ATRIP: variants seen among roughly 807,000 people sequenced by gnomAD.
ATRIP encodes the protein ATR interacting protein, also known as ATR-interacting protein.
A neutral mutation model predicts 78.1 loss-of-function variants in ATRIP; 44 were observed. That is an observed-to-expected ratio of 0.56 (90% CI 0.44 to 0.72). ATRIP has a LOEUF of 0.72. Ranked by LOEUF, ATRIP falls within the 30% of genes least tolerant of loss-of-function variation. The pLI is 0.00. For missense variants in ATRIP, 927 were observed against 980.2 expected (o/e 0.95, Z 0.72); for synonymous variants, 388 against 408.9 (o/e 0.95, Z 0.62).
intron 8 of ATRIP, among the ~76,000 whole-genome samples, chr3:48,462,456 C>T (rs1351774577): frequency 6.6e-6 from 1 of 152,188 alleles, no homozygotes; most frequent in Non-Finnish European, 1.5e-5. Context: ...GTAATCCCAG[C>T]ACTTTAGGAA....
intron 5 of ATRIP, among the ~76,000 whole-genome samples, chr3:48,457,946 C>T (rs1446047260): frequency 1.3e-5 from 2 of 151,966 alleles, no homozygotes; most frequent in Non-Finnish European, 2.9e-5. Flanking sequence ...CGTATGTATA[C>T]ATGTGCCATG....
rs202187322 is a variant in ATRIP at position 48,459,328 on chromosome 3, A to T, written c.830-31A>T. On this transcript the variant is annotated intron_variant, in intron 5 of 12. Transcript: ENST00000320211. ...CTAATATGCCCATGCTTCTGGGCTC[A>T]AGTTTTGATTTACATTTTATCACAT... The T allele has an allele frequency of 7.1e-4, 1,130 of 1,585,244 alleles. 1 individual carries two copies. Among genetic ancestry groups the T allele is most frequent in the Non-Finnish European group, 9.3e-4 (1,072 of 1,154,110 alleles).
rs1004374077 is a variant in ATRIP, at chr3:48,466,531, G to A, written c.*977G>A. 12 of 1,613,928 alleles carry A rather than the reference G, an allele frequency of 7.4e-6. No homozygotes were observed. The highest frequency in any genetic ancestry group is 1.0e-5 in the Non-Finnish European group (12 of 1,179,976). On this transcript the variant is annotated 3_prime_UTR_variant, in exon 13 of 13. Transcript: ENST00000320211. Reference sequence around the variant, plus strand: ...CGCAGACAGGGCAGGATTGTGCAGGGAAGGCCTGAGATGTGCTTCTGCCCA... The same window carrying A: ...CGCAGACAGGGCAGGATTGTGCAGGAAAGGCCTGAGATGTGCTTCTGCCCA...
At position 48,467,381 on chromosome 3, in the gene ATRIP, G is replaced by A. The variant is rs1015613176; in HGVS notation, c.*1827G>A. On this transcript the variant is annotated 3_prime_UTR_variant, in exon 13 of 13. Coordinates refer to ENST00000320211, the MANE Select transcript of ATRIP (RefSeq NM_130384.3). ...GGGTCACAGCCTCTGCTAGGACCAA[G>A]CCAAGACCATCTGCTGTCACAACCA... is the stretch of plus-strand genomic sequence containing the variant. 3 of 1,614,068 alleles carry A rather than the reference G, an allele frequency of 1.9e-6. No individual in the cohort carries two copies. The highest frequency in any genetic ancestry group is 1.7e-5 in the Admixed American group (1 of 60,006).
Position 48,465,697 on chromosome 3 carries a change from A to C in ATRIP, c.*143A>C, listed in dbSNP as rs2040265889. 1 of 836,024 alleles carries C rather than the reference A, an allele frequency of 1.2e-6. No homozygotes were observed. Among genetic ancestry groups the C allele is most frequent in the Non-Finnish European group, 1.9e-6 (1 of 535,398 alleles). The allele number at this position is 836,024 out of a possible 1,614,324, so 51.8% of individuals were successfully genotyped here. A position where few individuals can be genotyped will look rare whatever the true frequency, so the allele number is the denominator to read the frequency against. ...AGTCTGATCTGTTTGGCGGAGTGGG[A>C]GGGGTGGAGCAGGACCCGGACCCTG... On this transcript the variant is annotated 3_prime_UTR_variant, in exon 13 of 13. Coordinates refer to ENST00000320211, the MANE Select transcript of ATRIP (RefSeq NM_130384.3).
Position 48,463,896 on chromosome 3 carries a change from G to A in ATRIP, c.1882+15G>A, listed in dbSNP as rs2040189849. On this transcript the variant is annotated intron_variant, in intron 9 of 12. Transcript: ENST00000320211. Reference sequence around the variant, plus strand: ...TTCCCACTCAGGTAAAGCAGGGTGGGGCGGGCGTCTAGACTGCTCCTGCAG... The same window carrying A: ...TTCCCACTCAGGTAAAGCAGGGTGGAGCGGGCGTCTAGACTGCTCCTGCAG... The A allele has an allele frequency of 6.2e-7, 1 of 1,614,010 alleles. No individual in the cohort carries two copies. Among genetic ancestry groups the A allele is most frequent in the Middle Eastern group, 1.7e-4 (1 of 6,040 alleles).
Position 48,446,820 on chromosome 3 carries a change from T to C in ATRIP, c.-26T>C. ...GGCAGGCAAGTCTAGCTCGGCGCTG[T>C]CGGATACTTGGGGTGAGCGGAAAGC... is the stretch of plus-strand genomic sequence containing the variant. On this transcript the variant is annotated 5_prime_UTR_variant, in exon 1 of 13. Transcript: ENST00000320211. 7.2e-7 allele frequency: 1 copy of C among 1,385,924 alleles called. No homozygotes were observed. The highest frequency in any genetic ancestry group is 1.5e-5 in the African/African-American group (1 of 66,466). 85.9% of individuals were successfully genotyped at this position (1,385,924 alleles called of 1,614,324 possible).
At chr3:48,457,564 A>C (rs2039985262) in intron 5 of ATRIP, 148 bp downstream of exon 5, 1 of 641,480 alleles carries the variant, frequency 1.6e-6, no homozygotes, top group East Asian at 3.3e-5. Flanking sequence ...GGAATCACTG[A>C]AAGCTTGTCT....
Position 48,467,634 on chromosome 3 carries a change from C to T in ATRIP, c.*2080C>T, listed in dbSNP as rs897187789. 13 of 1,597,352 alleles carry T rather than the reference C, an allele frequency of 8.1e-6. No homozygotes were observed. Among genetic ancestry groups the T allele is most frequent in the African/African-American group, 4.0e-5 (3 of 74,616 alleles). On this transcript the variant is annotated 3_prime_UTR_variant, in exon 13 of 13. Coordinates refer to ENST00000320211, the MANE Select transcript of ATRIP (RefSeq NM_130384.3). ...GGAAAATCTGACGAATAAAGACCCC[C>T]GCTGCCCCATAGCACTGAGTGGTCA...
chr3:48,455,488 A>G (rs1054605992), intron 4 of ATRIP, among the ~76,000 whole-genome samples: 39 of 151,184 alleles, frequency 2.6e-4, no homozygotes, highest in African/African-American at 9.5e-4. Context: ...TTTGCATTCT[A>G]TTGGAAGTCT....
chr3:48,454,171 T>A (rs765071407), intron 3 of ATRIP, 129 bp from the exon 4 acceptor site: 4 of 633,594 alleles, frequency 6.3e-6, no homozygotes, highest in Non-Finnish European at 1.1e-5. Flanking sequence ...TTTTAGGACA[T>A]TTATGTCACA....
At chr3:48,457,759 A>ATCT (rs1170249936) in intron 5 of ATRIP, among the ~76,000 whole-genome samples, 7 of 152,242 alleles carry the variant, frequency 4.6e-5, no homozygotes, top group Non-Finnish European at 8.8e-5. Context: ...TAGCCTCAGA[A>ATCT]GTCACACAGC....
At chr3:48,458,506 AG>A (rs1311278837) in intron 5 of ATRIP, among the ~76,000 whole-genome samples, 3 of 151,956 alleles carry the variant, frequency 2.0e-5, no homozygotes, top group African/African-American at 7.2e-5. Context: ...TATTTTTAGT[AG>A]AGACAGGTTT....
At position 48,446,830 on chromosome 3, in the gene ATRIP, G is replaced by A; in HGVS notation, c.-16G>A. ...TCTAGCTCGGCGCTGTCGGATACTT[G>A]GGGTGAGCGGAAAGCATGGCGGGGA... On this transcript the variant is annotated 5_prime_UTR_variant, in exon 1 of 13. Coordinates refer to ENST00000320211, the MANE Select transcript of ATRIP (RefSeq NM_130384.3). 3 of 1,396,750 alleles carry A rather than the reference G, an allele frequency of 2.1e-6. No homozygotes were observed. Among genetic ancestry groups the A allele is most frequent in the Non-Finnish European group, 2.8e-6 (3 of 1,075,768 alleles). 86.5% of individuals were successfully genotyped at this position (1,396,750 alleles called of 1,614,324 possible).
At chr3:48,450,273 T>G in intron 2 of ATRIP, 103 bp downstream of exon 2, 1 of 1,380,868 alleles carries the variant, frequency 7.2e-7, no homozygotes, top group Non-Finnish European at 9.8e-7. Flanking sequence ...AGTGTCTAGA[T>G]TCATCCCTAT....
At position 48,456,280 on chromosome 3, in the gene ATRIP, TA is replaced by T. The variant is rs1039415964; in HGVS notation, c.672-969del. ...AACATAGCAAAACCCCATTGCTACT[TA>T]AAAAAAAAATAAAATTACTGGCCCC... On this transcript the variant is annotated intron_variant, in intron 4 of 12. Transcript: ENST00000320211. Among the ~76,000 whole-genome samples the T allele has an allele frequency of 8.1e-5, 12 of 147,592 alleles. No homozygotes were observed. In the South Asian group the frequency reaches 2.2e-3, roughly 27 times the overall value.
chr3:48,459,628 G>T, intron 6 of ATRIP, 159 bp from the exon 7 acceptor site: 2 of 1,150,922 alleles, frequency 1.7e-6, no homozygotes, highest in Non-Finnish European at 2.5e-6. Context: ...CCAAGGGCAG[G>T]TATGTCCCAG....
At chr3:48,457,770 A>G (rs903250947) in intron 5 of ATRIP, among the ~76,000 whole-genome samples, 2 of 152,246 alleles carry the variant, frequency 1.3e-5, no homozygotes, top group African/African-American at 4.8e-5. Context: ...GTCACACAGC[A>G]TCCCCTCTGC....
Position 48,450,079 on chromosome 3 carries a change from A to G in ATRIP, c.290A>G (p.Asn97Ser). 5 of 1,613,830 alleles carry G rather than the reference A, an allele frequency of 3.1e-6. No individual in the cohort carries two copies. Among genetic ancestry groups the G allele is most frequent in the Non-Finnish European group, 4.2e-6 (5 of 1,179,868 alleles). The part of the protein sequence containing the change: ...VHRLLDGMSK[N>S]PSGKNRETVP... The stretch of plus-strand genomic sequence containing the variant: ...AGATTATTAGATGGCATGTCAAAAA[A>G]TCCTTCAGGGAAAAACAGAGAAACT... Residue 97 changes from asparagine to serine, a missense_variant, in exon 2 of 13, where the codon AAT becomes AGT. By Grantham distance (46) the Asn-to-Ser change is conservative (BLOSUM62 1). Coordinates refer to ENST00000320211, the MANE Select transcript of ATRIP (RefSeq NM_130384.3).
Sources: allele counts gnomAD v4.1 joint callset (sites outside exome capture counted in the v4.1 genomes callset), GRCh38; gene constraint gnomAD v4.1.1; transcripts MANE v1.5; gene names NCBI Gene and HGNC (gene_info 2026-07-23, HGNC 2026-07-21).